The following ZNF385B variants were observed in gnomAD, a reference collection of about 807,000 sequenced individuals.
ZNF385B encodes the protein zinc finger protein 385B, also known as zinc finger protein 533.
Under a neutral mutation model 39.2 loss-of-function variants are expected in ZNF385B, and 23 were observed. The observed-to-expected ratio is 0.59, with a 90% CI of 0.42 to 0.83. The LOEUF (loss-of-function observed/expected upper bound fraction) is 0.83, where lower values mean the gene tolerates loss of function less well. ZNF385B is among the 40% of genes least tolerant of loss of function. The pLI is 0.00. For synonymous variants in ZNF385B, 205 were observed against 222.6 expected (o/e 0.92, Z 0.70); for missense variants, 552 against 598.9 (o/e 0.92, Z 0.82).
At chr2:179,628,802 C>T (rs1031239533) in intron 3 of ZNF385B, among the ~76,000 whole-genome samples, 17 of 152,116 alleles carry the variant, frequency 1.1e-4, no homozygotes, top group African/African-American at 2.2e-4. Context: ...AGACATTTTA[C>T]GTATCAACTA....
chr2:179,804,060 T>A, intron 1 of ZNF385B, among the ~76,000 whole-genome samples: 1 of 152,188 alleles, frequency 6.6e-6, no homozygotes, highest in Non-Finnish European at 1.5e-5. Flanking sequence ...AATCTGTTTA[T>A]CCCTGTTCTG....
chr2:179,634,226 C>T (rs1559009366), intron 3 of ZNF385B, among the ~76,000 whole-genome samples: 4 of 151,156 alleles, frequency 2.6e-5, no homozygotes, highest in African/African-American at 9.7e-5. Flanking sequence ...AATTAAAGAG[C>T]TCTGCACAGC....
intron 3 of ZNF385B, among the ~76,000 whole-genome samples, chr2:179,638,129 G>C (rs1271901877): frequency 6.6e-6 from 1 of 152,082 alleles, no homozygotes; most frequent in African/African-American, 2.4e-5. Context: ...GAATAAATTC[G>C]AGAGGTCTTC....
At chr2:179,775,762 T>A (rs1020643515) in intron 1 of ZNF385B, among the ~76,000 whole-genome samples, 1 of 152,220 alleles carries the variant, frequency 6.6e-6, no homozygotes, top group Admixed American at 6.5e-5. Flanking sequence ...AGGTAAAGCA[T>A]AGACTCTATT....
intron 1 of ZNF385B, among the ~76,000 whole-genome samples, chr2:179,775,120 C>T (rs1704238884): frequency 6.6e-6 from 1 of 152,158 alleles, no homozygotes; most frequent in Non-Finnish European, 1.5e-5. Context: ...TACACAATTC[C>T]TTTCCCCAAA....
intron 1 of ZNF385B, among the ~76,000 whole-genome samples, chr2:179,842,826 C>A (rs758316109): frequency 3.9e-5 from 6 of 152,150 alleles, no homozygotes; most frequent in Non-Finnish European, 8.8e-5. Flanking sequence ...CAATTTCCTG[C>A]AGATAAGAAG....
At chr2:179,693,841 G>T (rs1478690002) in intron 3 of ZNF385B, among the ~76,000 whole-genome samples, 1 of 152,204 alleles carries the variant, frequency 6.6e-6, no homozygotes, top group Non-Finnish European at 1.5e-5. Flanking sequence ...TTGTCTGATT[G>T]TAATATTAAT....
chr2:179,672,122 C>T (rs1696095504), intron 3 of ZNF385B, among the ~76,000 whole-genome samples: 1 of 152,236 alleles, frequency 6.6e-6, no homozygotes, highest in Non-Finnish European at 1.5e-5. Context: ...AAGGTGGGAC[C>T]ACAGCTCCAG....
At chr2:179,594,797 C>CTTTTTTTTTTTTTT (rs35322965) in intron 3 of ZNF385B, among the ~76,000 whole-genome samples, 1 of 145,422 alleles carries the variant, frequency 6.9e-6, no homozygotes. Context: ...TAGGTAAACT[C>CTTTTTTTTTTTTTT]TTTTTTTTTT....
At chr2:179,744,240 A>C (rs896914871) in intron 3 of ZNF385B, among the ~76,000 whole-genome samples, 40 of 152,126 alleles carry the variant, frequency 2.6e-4, no homozygotes, top group African/African-American at 9.4e-4. Context: ...ATGACAATGC[A>C]TCTAGAGCAC....
intron 1 of ZNF385B, among the ~76,000 whole-genome samples, chr2:179,792,177 C>T (rs13415742): frequency 0.28 from 42,181 of 151,872 alleles, 6,042 homozygotes; most frequent in Admixed American, 0.32. Flanking sequence ...TCATCCCAGC[C>T]CTAGGATAAC....
intron 3 of ZNF385B, among the ~76,000 whole-genome samples, chr2:179,661,208 T>C (rs1575124061): frequency 1.3e-5 from 2 of 152,294 alleles, no homozygotes; most frequent in East Asian, 3.9e-4. Context: ...GGGGAAGGAC[T>C]ATGAAAACAG....
chr2:179,649,516 T>G (rs1693023197), intron 3 of ZNF385B, among the ~76,000 whole-genome samples: 1 of 152,320 alleles, frequency 6.6e-6, no homozygotes, highest in Admixed American at 6.5e-5. Flanking sequence ...TTTCTGTAAT[T>G]TTGAGATCGT....
At chr2:179,713,662 T>A (rs1210003492) in intron 3 of ZNF385B, among the ~76,000 whole-genome samples, 1 of 152,200 alleles carries the variant, frequency 6.6e-6, no homozygotes, top group South Asian at 2.1e-4. Flanking sequence ...TTACTTACCA[T>A]GTATCTTCAC....
chr2:179,611,967 ACTT>A (rs1303914221), intron 3 of ZNF385B, among the ~76,000 whole-genome samples: 4 of 148,852 alleles, frequency 2.7e-5, no homozygotes, highest in South Asian at 4.3e-4. Flanking sequence ...TCCACCTCCT[ACTT>A]CTTCTCCTCT....
At chr2:179,767,276 AATTAAGAACAGC>A (rs1390314132) in intron 3 of ZNF385B, among the ~76,000 whole-genome samples, 1 of 152,158 alleles carries the variant, frequency 6.6e-6, no homozygotes, top group African/African-American at 2.4e-5. Context: ...AGTAGTCATC[AATTAAGAACAGC>A]ATTGCCACCT....
At chr2:179,463,062 A>G (rs965224965) in intron 6 of ZNF385B, among the ~76,000 whole-genome samples, 1 of 152,152 alleles carries the variant, frequency 6.6e-6, no homozygotes, top group African/African-American at 2.4e-5. Flanking sequence ...AATAAATAAA[A>G]CAGGGAGAAA....
At chr2:179,454,923 T>C (rs2050518915) in intron 6 of ZNF385B, among the ~76,000 whole-genome samples, 2 of 152,208 alleles carry the variant, frequency 1.3e-5, no homozygotes, top group South Asian at 2.1e-4. Flanking sequence ...GGTTAATTTA[T>C]TGCTGAAGAA....
intron 5 of ZNF385B, among the ~76,000 whole-genome samples, chr2:179,509,358 A>G (rs1331312050): frequency 1.3e-5 from 2 of 152,198 alleles, no homozygotes; most frequent in Admixed American, 6.5e-5. Flanking sequence ...AAACAAGTTT[A>G]TATTTAATAA....
Sources: allele counts gnomAD v4.1 joint callset (sites outside exome capture counted in the v4.1 genomes callset), GRCh38; gene constraint gnomAD v4.1.1; transcripts MANE v1.5; gene names NCBI Gene and HGNC (gene_info 2026-07-23, HGNC 2026-07-21).